PHC3: variants seen among roughly 807,000 people sequenced by gnomAD.
PHC3 encodes the protein polyhomeotic-like protein 3.
Under a neutral mutation model 107.4 loss-of-function variants are expected in PHC3, and 13 were observed. That is an observed-to-expected ratio of 0.12 (90% CI 0.08 to 0.19). The LOEUF is 0.19. PHC3 is among the 10% of genes least tolerant of loss of function. The pLI is 1.00. For synonymous variants in PHC3, 456 were observed against 427.4 expected, an observed-to-expected ratio of 1.07 and a Z score of -0.83; for missense variants, 992 against 1,210.9, an observed-to-expected ratio of 0.82 and a Z score of 2.68.
At chr3:170,115,350 ATATG>A (rs202158658) in intron 10 of PHC3, among the ~76,000 whole-genome samples, 2,007 of 152,250 alleles carry the variant, frequency 0.013, 29 homozygotes, top group African/African-American at 0.044. Context: ...AATCTTGATT[ATATG>A]TATGTATCTA....
chr3:170,102,409 G>C (rs1248370316), intron 14 of PHC3, 70 bp downstream of exon 14: 1 of 1,550,444 alleles, frequency 6.4e-7, no homozygotes, highest in African/African-American at 1.4e-5. Context: ...CAAAAGGTGT[G>C]GATGTATCTA....
At chr3:170,136,975 AT>A (rs1723183576) in intron 6 of PHC3, among the ~76,000 whole-genome samples, 3 of 152,270 alleles carry the variant, frequency 2.0e-5, no homozygotes, top group Non-Finnish European at 4.4e-5. Context: ...GGGAAGGATC[AT>A]AAAGAACTAA....
chr3:170,135,173 C>A (rs1442783490), intron 7 of PHC3, among the ~76,000 whole-genome samples: 1 of 152,090 alleles, frequency 6.6e-6, no homozygotes, highest in Non-Finnish European at 1.5e-5. Flanking sequence ...GTTTTTGAGA[C>A]AGAGTCTTGC....
intron 6 of PHC3, among the ~76,000 whole-genome samples, chr3:170,139,323 A>G (rs1723657738): frequency 6.6e-6 from 1 of 152,218 alleles, no homozygotes; most frequent in Non-Finnish European, 1.5e-5. Flanking sequence ...TAACATTAAA[A>G]TCTGTTCATG....
chr3:170,116,454 C>A (rs939538307), intron 10 of PHC3, among the ~76,000 whole-genome samples: 2 of 152,098 alleles, frequency 1.3e-5, no homozygotes, highest in African/African-American at 4.8e-5. Flanking sequence ...GTAGTCCCAG[C>A]TACTGAGGTA....
At chr3:170,110,450 C>A (rs1194583430) in intron 11 of PHC3, among the ~76,000 whole-genome samples, 3 of 152,166 alleles carry the variant, frequency 2.0e-5, no homozygotes, top group Admixed American at 2.0e-4. Context: ...GAAATGTTCT[C>A]GCTGTTTATC....
intron 2 of PHC3, chr3:170,177,036 A>G (rs1214421595): frequency 5.9e-6 from 2 of 338,312 alleles, no homozygotes; most frequent in Non-Finnish European, 1.2e-5. Context: ...ATGTTAACTA[A>G]GTAAACTTTA....
At chr3:170,151,341 ACTT>A (rs553218807) in intron 4 of PHC3, among the ~76,000 whole-genome samples, 173 of 152,294 alleles carry the variant, frequency 1.1e-3, no homozygotes, top group African/African-American at 4.0e-3. Flanking sequence ...ACTTTATTGG[ACTT>A]CTTATTCAAG....
At chr3:170,169,404 C>T (rs936898220) in intron 4 of PHC3, among the ~76,000 whole-genome samples, 2 of 152,156 alleles carry the variant, frequency 1.3e-5, no homozygotes, top group East Asian at 1.9e-4. Context: ...TGCTCCCCCC[C>T]GTTTTTGGAT....
intron 11 of PHC3, among the ~76,000 whole-genome samples, chr3:170,111,802 C>G (rs1381245564): frequency 6.6e-6 from 1 of 152,012 alleles, no homozygotes; most frequent in Admixed American, 6.6e-5. Context: ...GTTAGAAAAT[C>G]TGTGGGCAAA....
chr3:170,181,223 G>A (rs978840230), intron 1 of PHC3, among the ~76,000 whole-genome samples: 3 of 152,208 alleles, frequency 2.0e-5, no homozygotes, highest in African/African-American at 7.2e-5. Flanking sequence ...CCGCGTGTCG[G>A]ATTCTCCCGC....
At chr3:170,131,392 G>GTA (rs1013462298) in intron 7 of PHC3, among the ~76,000 whole-genome samples, 3 of 152,230 alleles carry the variant, frequency 2.0e-5, no homozygotes, top group African/African-American at 7.2e-5. Context: ...AATGCCTGTG[G>GTA]TATAGGTGGG....
Position 170,117,494 on chromosome 3 carries a change from A to G in PHC3, c.1943-18T>C. 6.3e-7 allele frequency: 1 copy of G among 1,581,864 alleles called. No homozygotes were observed. The highest frequency in any genetic ancestry group is 8.6e-7 in the Non-Finnish European group (1 of 1,167,414). On this transcript the variant is annotated intron_variant, in intron 9 of 14. Coordinates refer to ENST00000495893, the MANE Select transcript of PHC3 (RefSeq NM_024947.4). ...CACTTGCTCTGAAAAAAAAACCAAA[A>G]AGTCATTTAAAAATTTTTTTAGCAT...
intron 11 of PHC3, among the ~76,000 whole-genome samples, chr3:170,109,955 C>A (rs948769089): frequency 2.5e-5 from 3 of 120,968 alleles, no homozygotes; most frequent in Non-Finnish European, 5.3e-5. Context: ...TATAAAATTA[C>A]CTTGGGAAAT....
chr3:170,139,000 G>A (rs561493634), intron 6 of PHC3, among the ~76,000 whole-genome samples: 27 of 152,196 alleles, frequency 1.8e-4, no homozygotes, highest in African/African-American at 6.5e-4. Flanking sequence ...CCCTACTTAA[G>A]AAACATTCTG....
At chr3:170,172,320 A>G (rs1729720056) in intron 3 of PHC3, among the ~76,000 whole-genome samples, 1 of 152,216 alleles carries the variant, frequency 6.6e-6, no homozygotes, top group Non-Finnish European at 1.5e-5. Flanking sequence ...CTAGCATAGC[A>G]TTTCTTCAAT....
chr3:170,125,446 A>C (rs1172281730), intron 8 of PHC3, among the ~76,000 whole-genome samples: 2 of 152,220 alleles, frequency 1.3e-5, no homozygotes, highest in Non-Finnish European at 2.9e-5. Context: ...GCATTCCTTC[A>C]GTATAATAGA....
intron 11 of PHC3, among the ~76,000 whole-genome samples, 185 bp from the exon 12 acceptor site, chr3:170,107,131 T>G (rs972578321): frequency 2.0e-5 from 3 of 152,198 alleles, no homozygotes; most frequent in African/African-American, 4.8e-5. Context: ...CCCTCTTGCT[T>G]CTGCATAAAA....
At chr3:170,150,692 G>A (rs1004424825) in intron 4 of PHC3, 13 of 406,694 alleles carry the variant, frequency 3.2e-5, no homozygotes, top group Middle Eastern at 7.8e-4. Context: ...CAGCCTGGGC[G>A]ACAGAGCGAC....
Sources: gnomAD v4.1 joint callset for allele counts (sites outside exome capture counted in the v4.1 genomes callset) on GRCh38, gnomAD v4.1.1 for gene constraint, MANE v1.5 for transcripts, NCBI Gene and HGNC (gene_info 2026-07-23, HGNC 2026-07-21) for gene names.